The following GLIS3 variants were observed in gnomAD, a reference collection of about 807,000 sequenced individuals.
GLIS3 encodes the protein zinc finger protein GLIS3.
Under a neutral mutation model 78.6 loss-of-function variants are expected in GLIS3, and 53 were observed. The observed-to-expected ratio is 0.67, with a 90% CI of 0.54 to 0.85. The LOEUF is 0.85. Ranked by LOEUF, GLIS3 falls within the 40% of genes least tolerant of loss-of-function variation. The probability of loss-of-function intolerance (pLI) is 0.00; values close to 1 mark genes in which losing one functional copy is unlikely to be tolerated. For synonymous variants in GLIS3, 684 were observed against 509.9 expected, an observed-to-expected ratio of 1.34 and a Z score of -4.60; for missense variants, 1,703 against 1,231.1, an observed-to-expected ratio of 1.38 and a Z score of -5.74.
chr9:4,065,648 C>G (rs1827035146), intron 4 of GLIS3, among the ~76,000 whole-genome samples: 1 of 152,170 alleles, frequency 6.6e-6, no homozygotes, highest in Admixed American at 6.5e-5. Flanking sequence ...AAATAAGTAG[C>G]AAGTTCCAAA....
chr9:3,839,634 C>T (rs1458900136), intron 9 of GLIS3, among the ~76,000 whole-genome samples: 2 of 151,772 alleles, frequency 1.3e-5, no homozygotes, highest in South Asian at 2.1e-4. Context: ...TCCAAATCCT[C>T]ATGGCTACCA....
intron 4 of GLIS3, among the ~76,000 whole-genome samples, chr9:4,058,256 CTTTT>C (rs956261841): frequency 1.3e-5 from 2 of 151,754 alleles, no homozygotes; most frequent in Non-Finnish European, 2.9e-5. Flanking sequence ...TTTGGCTTTG[CTTTT>C]TATTTGTTTG....
At chr9:4,131,035 G>C (rs1485814419) in intron 2 of GLIS3, among the ~76,000 whole-genome samples, 2 of 152,158 alleles carry the variant, frequency 1.3e-5, no homozygotes, top group East Asian at 3.9e-4. Context: ...GAGATTATTT[G>C]GGAGCTTTAA....
At chr9:4,178,172 G>A (rs1163298970) in intron 2 of GLIS3, among the ~76,000 whole-genome samples, 1 of 152,180 alleles carries the variant, frequency 6.6e-6, no homozygotes, top group Non-Finnish European at 1.5e-5. Context: ...GTTGCATAAT[G>A]CAGGCTGGGT....
chr9:4,342,057 A>T (rs1362940915), intron 2 of GLIS3, among the ~76,000 whole-genome samples: 1 of 152,186 alleles, frequency 6.6e-6, no homozygotes, highest in African/African-American at 2.4e-5. Context: ...TTGTCTGTTT[A>T]ATCTGTGGAT....
chr9:4,450,435 T>C, the GLIS3 span, among the ~76,000 whole-genome samples: 3 of 152,096 alleles, frequency 2.0e-5, no homozygotes, highest in African/African-American at 7.2e-5. Context: ...CAGGATATTA[T>C]CCAGGAGAAC....
intron 2 of GLIS3, among the ~76,000 whole-genome samples, chr9:4,250,675 G>C (rs1283330929): frequency 6.6e-6 from 1 of 152,026 alleles, no homozygotes; most frequent in Non-Finnish European, 1.5e-5. Flanking sequence ...GTTTGCTCTT[G>C]CTTCTCTAGT....
intron 2 of GLIS3, among the ~76,000 whole-genome samples, chr9:4,129,992 A>C (rs541433962): frequency 1.3e-5 from 2 of 152,212 alleles, no homozygotes; most frequent in Non-Finnish European, 2.9e-5. Flanking sequence ...ACTGGAGCAA[A>C]GGTCACTTTT....
At chr9:4,471,434 C>G in the GLIS3 span, among the ~76,000 whole-genome samples, 1 of 151,924 alleles carries the variant, frequency 6.6e-6, no homozygotes, top group African/African-American at 2.4e-5. Flanking sequence ...CAGAACAGAG[C>G]CCTCAGAAAT....
In GLIS3 at chr9:3,862,916, A is replaced by ATT. The variant is rs34617524; in HGVS notation, c.2298-6734_2298-6733dup. ...TAGTCTACGATGGATTTGGGGAGGT[A>ATT]TTTTTTATTTCCCCAAAGAATTGTG... On this transcript the variant is annotated intron_variant, in intron 8 of 10. Transcript: ENST00000381971. 7.0e-3 allele frequency among the ~76,000 whole-genome samples: 1,069 copies of ATT among 151,958 alleles called. 13 individuals are homozygous for ATT. The highest frequency in any genetic ancestry group is 0.025 in the African/African-American group (1,042 of 41,416).
At chr9:4,133,879 AC>A (rs1833187362) in intron 2 of GLIS3, among the ~76,000 whole-genome samples, 1 of 118,904 alleles carries the variant, frequency 8.4e-6, no homozygotes, top group African/African-American at 2.9e-5. Context: ...CACACACCGT[AC>A]ATCTGTCCTC....
At chr9:4,272,044 G>A (rs543045687) in intron 2 of GLIS3, among the ~76,000 whole-genome samples, 1 of 152,282 alleles carries the variant, frequency 6.6e-6, no homozygotes, top group South Asian at 2.1e-4. Flanking sequence ...TGCAGATTGT[G>A]CCCTCGTCAT....
chr9:4,195,690 C>G (rs1380112194), intron 2 of GLIS3, among the ~76,000 whole-genome samples: 3 of 152,384 alleles, frequency 2.0e-5, no homozygotes, highest in Admixed American at 2.0e-4. Context: ...GCGGGCAGCT[C>G]CGCCCATGGC....
chr9:4,317,991 T>C (rs759526991), intron 2 of GLIS3, among the ~76,000 whole-genome samples: 5 of 152,218 alleles, frequency 3.3e-5, no homozygotes, highest in Non-Finnish European at 7.3e-5. Flanking sequence ...TCTGTGAAGA[T>C]AGACTTAGAA....
chr9:4,312,445 G>A (rs537959250), intron 2 of GLIS3, among the ~76,000 whole-genome samples: 1 of 152,308 alleles, frequency 6.6e-6, no homozygotes, highest in African/African-American at 2.4e-5. Context: ...TCCAGCCTGG[G>A]TGACAGAGTG....
intron 2 of GLIS3, among the ~76,000 whole-genome samples, chr9:4,206,684 T>C (rs891169159): frequency 6.6e-6 from 1 of 152,204 alleles, no homozygotes; most frequent in Non-Finnish European, 1.5e-5. Flanking sequence ...GTGTGAACCA[T>C]CCATAAATGA....
intron 2 of GLIS3, among the ~76,000 whole-genome samples, chr9:4,269,893 A>T (rs981249551): frequency 6.6e-6 from 1 of 152,206 alleles, no homozygotes; most frequent in East Asian, 1.9e-4. Context: ...GAAACCTGGA[A>T]ACAAGCCCAA....
chr9:4,269,584 T>A (rs1325463930), intron 2 of GLIS3, among the ~76,000 whole-genome samples: 1 of 152,240 alleles, frequency 6.6e-6, no homozygotes, highest in Non-Finnish European at 1.5e-5. Context: ...AGGCACAAGC[T>A]TATCTAACTA....
chr9:4,300,352 A>G (rs1817015075), upstream of GLIS3, among the ~76,000 whole-genome samples: 1 of 146,214 alleles, frequency 6.8e-6, no homozygotes, highest in Non-Finnish European at 1.5e-5. Context: ...TTTAACATGA[A>G]AAAGTGTTAG....
Sources: allele counts gnomAD v4.1 joint callset (sites outside exome capture counted in the v4.1 genomes callset), GRCh38; gene constraint gnomAD v4.1.1; transcripts MANE v1.5; gene names NCBI Gene and HGNC (gene_info 2026-07-23, HGNC 2026-07-21).